The following LRRC8A variants were observed in gnomAD, a reference collection of about 807,000 sequenced individuals.
LRRC8A encodes volume-regulated anion channel subunit LRRC8A.
Under a neutral mutation model 52.5 loss-of-function variants are expected in LRRC8A, and 24 were observed. The observed-to-expected ratio is 0.46, with a 90% CI of 0.33 to 0.64. The LOEUF (loss-of-function observed/expected upper bound fraction) is 0.64. Ranked by LOEUF, LRRC8A falls within the 30% of genes least tolerant of loss-of-function variation. LRRC8A has a pLI of 0.02. For missense variants in LRRC8A, 677 were observed against 1,094.7 expected (o/e 0.62, Z 5.38); for synonymous variants, 492 against 494.2 (o/e 1.00, Z 0.06).
At chr9:128,898,404 G>T (rs1839905518) in intron 2 of LRRC8A, among the ~76,000 whole-genome samples, 1 of 152,158 alleles carries the variant, frequency 6.6e-6, no homozygotes, top group Non-Finnish European at 1.5e-5. Context: ...CCTACTGCGT[G>T]CCAGGCCCCG....
intron 2 of LRRC8A, among the ~76,000 whole-genome samples, chr9:128,906,626 C>A (rs1840262702): frequency 6.6e-6 from 1 of 152,074 alleles, no homozygotes; most frequent in African/African-American, 2.4e-5. Context: ...AATTTTTAAA[C>A]CTTGCTCTTT....
Position 128,883,581 on chromosome 9 carries a change from GTGAC to G in LRRC8A, c.-116+1334_-116+1337del, listed in dbSNP as rs72436646. On this transcript the variant is annotated intron_variant, in intron 1 of 3. Transcript: ENST00000372600. ...GCTGTTGTGGACATGCCAGGGATGA[GTGAC>G]TGGGTGGCTGGTCTCTGCTTCCTTG... is the stretch of plus-strand genomic sequence containing the variant. Among the ~76,000 whole-genome samples, 1,107 of 152,340 alleles carry G rather than the reference GTGAC, an allele frequency of 7.3e-3. 7 individuals are homozygous for G. The highest frequency in any genetic ancestry group is 0.019 in the African/African-American group (782 of 41,582).
In LRRC8A at chr9:128,908,151, C is replaced by T. The variant is rs1161983164; in HGVS notation, c.987C>T (p.Val329=). 6.2e-7 allele frequency: 1 copy of T among 1,614,046 alleles called. No homozygotes were observed. The highest frequency in any genetic ancestry group is 8.5e-7 in the Non-Finnish European group (1 of 1,180,038). The change falls in exon 3 of 4, where the codon GTC becomes GTT. Residue 329 remains valine, a synonymous_variant. Transcript: ENST00000372600. ...KILASFYISL[V]IFYGLICMYT... is the part of the protein sequence containing the mutation. ...TGGCGTCCTTCTACATCAGCCTAGT[C>T]ATCTTCTACGGCCTCATCTGCATGT...
At chr9:128,893,326 G>A (rs940809957) in intron 2 of LRRC8A, among the ~76,000 whole-genome samples, 4 of 152,234 alleles carry the variant, frequency 2.6e-5, no homozygotes, top group African/African-American at 4.8e-5. Flanking sequence ...GGTCATCTGC[G>A]ATGGCAGGTG....
rs1840715915 is a variant in LRRC8A, at chr9:128,914,448, A to G, written c.2158-1648A>G. 2.0e-5 allele frequency among the ~76,000 whole-genome samples: 3 copies of G among 152,140 alleles called. No individual in the cohort carries two copies. In the South Asian group the frequency reaches 6.2e-4, roughly 32 times the overall value. ...CAAATGGGGAAACTGAGGCCCAGAG[A>G]GGGAGGGACTTCCAGAGTTACCCTG... On this transcript the variant is annotated intron_variant, in intron 3 of 3. Transcript: ENST00000372600.
In LRRC8A at chr9:128,908,506, C is replaced by G. The variant is rs761845403; in HGVS notation, c.1342C>G (p.Leu448Val). The change falls in exon 3 of 4, where the codon CTG (leucine) becomes GTG (valine). Residue 448 changes from leucine to valine, a missense_variant. Leu to Val is a conservative substitution (Grantham distance 32). Transcript: ENST00000372600. The stretch of plus-strand genomic sequence containing the variant: ...TGACACTGTGTTTGACCTGGTGGAG[C>G]TGGAGGTCCTCAAGCTGGAGCTGAT... ...IPDTVFDLVE[L>V]EVLKLELIPD... 9.3e-6 allele frequency: 15 copies of G among 1,612,994 alleles called. No homozygotes were observed. The highest frequency in any genetic ancestry group is 1.3e-5 in the Non-Finnish European group (15 of 1,179,978).
intron 1 of LRRC8A, chr9:128,882,859 G>A (rs946585195): frequency 7.3e-5 from 29 of 398,490 alleles, no homozygotes; most frequent in Non-Finnish European, 1.1e-4. Context: ...ATTCAGGTGG[G>A]CCCGAGGGCG....
In LRRC8A at chr9:128,909,123, C is replaced by T. The variant is rs769288179; in HGVS notation, c.1959C>T (p.Tyr653=). The part of the protein sequence containing the change: ...CLKLWYNHIA[Y]IPIQIGNLTN... Reference sequence around the variant, plus strand: ...AGCTGTGGTACAACCACATCGCCTACATCCCCATCCAGATCGGCAACCTCA... The same window carrying T: ...AGCTGTGGTACAACCACATCGCCTATATCCCCATCCAGATCGGCAACCTCA... Residue 653 remains tyrosine (Y), a synonymous_variant, in exon 3 of 4, where the codon TAC becomes TAT. Coordinates refer to ENST00000372600, the MANE Select transcript of LRRC8A (RefSeq NM_019594.4). 2 of 1,614,198 alleles carry T rather than the reference C, an allele frequency of 1.2e-6. No homozygotes were observed. Among genetic ancestry groups the T allele is most frequent in the Non-Finnish European group, 1.7e-6 (2 of 1,180,046 alleles).
Position 128,917,285 on chromosome 9 carries a change from C to G in LRRC8A, c.*914C>G, listed in dbSNP as rs1014477466. On this transcript the variant is annotated 3_prime_UTR_variant, in exon 4 of 4. Transcript: ENST00000372600. ...CCTTGGTCCAGGAGTTCTATTTGTT[C>G]CTGGGGAGGGAGGTTTTTTTGTTTG... The G allele has an allele frequency of 6.6e-6, 1 of 152,272 alleles. No homozygotes were observed. The highest frequency in any genetic ancestry group is 1.9e-4 in the East Asian group (1 of 5,162). The allele number at this position is 152,272 out of a possible 1,614,324, so 9.4% of individuals were successfully genotyped here.
In LRRC8A at chr9:128,916,092, C is replaced by T. The variant is rs1388968032; in HGVS notation, c.2158-4C>T. 6.3e-7 allele frequency: 1 copy of T among 1,597,674 alleles called. No individual in the cohort carries two copies. Reference sequence around the variant, plus strand: ...CACTCTCACCCCTGCTTTTTTCCCTCCAGATCGAGACGCTCCCTCCGGAGC... The same window carrying T: ...CACTCTCACCCCTGCTTTTTTCCCTTCAGATCGAGACGCTCCCTCCGGAGC... On this transcript the variant is annotated splice_region_variant and splice_polypyrimidine_tract_variant and intron_variant, in intron 3 of 3. Coordinates refer to ENST00000372600, the MANE Select transcript of LRRC8A (RefSeq NM_019594.4). The surrounding 1 kb of genome is among the most constrained non-coding windows in gnomAD (Gnocchi z 6.1).
intron 2 of LRRC8A, among the ~76,000 whole-genome samples, chr9:128,887,960 A>T (rs1226049000): frequency 6.6e-6 from 1 of 152,098 alleles, no homozygotes; most frequent in African/African-American, 2.4e-5. Flanking sequence ...CCTCTTTCCC[A>T]TGCAAGAGGT....
chr9:128,898,665 C>T (rs1328368928), intron 2 of LRRC8A, among the ~76,000 whole-genome samples: 1 of 152,224 alleles, frequency 6.6e-6, no homozygotes, highest in Non-Finnish European at 1.5e-5. Flanking sequence ...CCCTCTAAGG[C>T]AGGGCCTATC....
intron 2 of LRRC8A, among the ~76,000 whole-genome samples, chr9:128,903,137 G>A (rs1840092931): frequency 6.6e-6 from 1 of 152,160 alleles, no homozygotes; most frequent in African/African-American, 2.4e-5. Context: ...ACCTTCCTGA[G>A]CCTTAGCACC....
chr9:128,910,282 G>C (rs967708923), intron 3 of LRRC8A, among the ~76,000 whole-genome samples: 3 of 152,234 alleles, frequency 2.0e-5, no homozygotes, highest in Non-Finnish European at 2.9e-5. Context: ...GCCAGGCGCT[G>C]GGAGACAAGG....
At chr9:128,898,713 A>G (rs998198482) in intron 2 of LRRC8A, among the ~76,000 whole-genome samples, 3 of 152,262 alleles carry the variant, frequency 2.0e-5, no homozygotes, top group Admixed American at 6.5e-5. Context: ...TAAGGCTCAG[A>G]GAGGTGAAGT....
At chr9:128,888,947 C>T (rs1204628486) in intron 2 of LRRC8A, among the ~76,000 whole-genome samples, 1 of 152,110 alleles carries the variant, frequency 6.6e-6, no homozygotes, top group African/African-American at 2.4e-5. Flanking sequence ...ATTCTCAGCA[C>T]CATGTCTCAG....
chr9:128,908,437 C>T lies in LRRC8A; in HGVS notation c.1273C>T (p.Gln425Ter). Residue 425 changes from glutamine (Q) to a stop codon, truncating the protein, a stop_gained, in exon 3 of 4, where the codon CAG (glutamine) becomes TAG (stop). Transcript: ENST00000372600. LOFTEE classifies it high-confidence loss of function. ...KLRQRLTKNA[Q>*]DKLELHLFML... ...CCGGCAGCGGCTCACCAAGAACGCG[C>T]AGGACAAGCTGGAGCTGCACCTGTT... The T allele has an allele frequency of 6.2e-7, 1 of 1,613,506 alleles. No homozygotes were observed. Among genetic ancestry groups the T allele is most frequent in the Non-Finnish European group, 8.5e-7 (1 of 1,180,030 alleles).
Position 128,908,646 on chromosome 9 carries a change from C to A in LRRC8A, c.1482C>A (p.Asn494Lys). 6.2e-7 allele frequency: 1 copy of A among 1,612,782 alleles called. No individual in the cohort carries two copies. The highest frequency in any genetic ancestry group is 8.5e-7 in the Non-Finnish European group (1 of 1,179,928). ...CCGCGCTGGCCTTCCTGCGTGAGAA[C>A]CTGCGGGCGCTGCACATCAAGTTCA... ...EAPALAFLRE[N>K]LRALHIKFTD... Residue 494 changes from asparagine to lysine, a missense_variant, in exon 3 of 4, where the codon AAC (asparagine) becomes AAA (lysine). Physicochemically the swap from Asn to Lys is moderately conservative, Grantham distance 94 (BLOSUM62 0). This residue lies in a region of LRRC8A where 422 missense variants were observed against 741.5 expected (regional missense o/e 0.57). Coordinates refer to ENST00000372600, the MANE Select transcript of LRRC8A (RefSeq NM_019594.4).
Position 128,916,475 on chromosome 9 carries a change from CT to C in LRRC8A, c.*105del, listed in dbSNP as rs1414134064. 9 of 1,401,244 alleles carry C rather than the reference CT, an allele frequency of 6.4e-6. No individual in the cohort carries two copies. Among genetic ancestry groups the C allele is most frequent in the African/African-American group, 2.9e-5 (2 of 69,916 alleles). 86.8% of individuals were successfully genotyped at this position (1,401,244 alleles called of 1,614,324 possible). On this transcript the variant is annotated 3_prime_UTR_variant, in exon 4 of 4. Coordinates refer to ENST00000372600, the MANE Select transcript of LRRC8A (RefSeq NM_019594.4). The surrounding 1 kb of genome is among the most constrained non-coding windows in gnomAD (Gnocchi z 6.1). ...AGAACTCCCGGACAGCCAGGACAGC[CT>C]CGTGGCTGGGCAGGAGCCTGGGGCC...
Sources: allele counts gnomAD v4.1 joint callset (sites outside exome capture counted in the v4.1 genomes callset), GRCh38; gene constraint gnomAD v4.1.1; regional missense constraint gnomAD v4.1.1; non-coding constraint Gnocchi (gnomAD v3.1); transcripts MANE v1.5; gene names NCBI Gene and HGNC (gene_info 2026-07-23, HGNC 2026-07-21).